Variants in LRRC37A2 observed in about 807,000 individuals in gnomAD.
The protein encoded by LRRC37A2 is leucine rich repeat containing 37 member A2.
Under a neutral mutation model 68.8 loss-of-function variants are expected in LRRC37A2, and 9 were observed. The ratio of observed to expected loss-of-function variants is 0.13; its 90% confidence interval spans 0.08 to 0.23. LRRC37A2 has a LOEUF of 0.23. Among genes scored for constraint, LRRC37A2 ranks in the 10% least tolerant of loss-of-function variants. The pLI, the probability that LRRC37A2 is intolerant of heterozygous loss-of-function variation, is 1.00. For synonymous variants in LRRC37A2, 63 were observed against 367.6 expected (o/e 0.17, Z 9.48); for missense variants, 168 against 950.4 (o/e 0.18, Z 10.82).
At chr17:47,015,851 T>C in the LRRC37A2 span, among the ~76,000 whole-genome samples, 1 of 152,052 alleles carries the variant, frequency 6.6e-6, no homozygotes, top group Non-Finnish European at 1.5e-5. Context: ...CTGTGAAATG[T>C]GAGAGGAAGT....
At chr17:46,771,910 G>T in the LRRC37A2 span, among the ~76,000 whole-genome samples, 1 of 142,330 alleles carries the variant, frequency 7.0e-6, no homozygotes, top group South Asian at 2.1e-4. Flanking sequence ...GCCCCCGCCT[G>T]GGGAAGCGCC....
At chr17:46,901,676 T>C in the LRRC37A2 span, among the ~76,000 whole-genome samples, 2 of 152,172 alleles carry the variant, frequency 1.3e-5, no homozygotes, top group African/African-American at 4.8e-5. Flanking sequence ...AACATCAGAA[T>C]CCCAAGCAAT....
At chr17:46,491,516 A>G in the LRRC37A2 span, among the ~76,000 whole-genome samples, 1 of 141,792 alleles carries the variant, frequency 7.1e-6, no homozygotes, top group South Asian at 2.2e-4. Flanking sequence ...TTTCTCTTCA[A>G]ATTACATTGC....
chr17:46,816,119 A>ACACACACACACACTCACG, the LRRC37A2 span, among the ~76,000 whole-genome samples: 2 of 150,552 alleles, frequency 1.3e-5, 1 homozygote, highest in African/African-American at 4.9e-5. Context: ...ACGTACACAC[A>ACACACACACACACTCACG]CACACACACA....
the LRRC37A2 span, among the ~76,000 whole-genome samples, chr17:46,806,867 G>T: frequency 6.6e-6 from 1 of 152,256 alleles, no homozygotes; most frequent in Non-Finnish European, 1.5e-5. Context: ...GCAGAGTGGG[G>T]CTTGGCCCTC....
At chr17:46,815,115 C>T in the LRRC37A2 span, among the ~76,000 whole-genome samples, 4 of 152,112 alleles carry the variant, frequency 2.6e-5, no homozygotes, top group Admixed American at 1.3e-4. Context: ...GCACGTCCAT[C>T]GCTGGAATGT....
chr17:46,918,767 G>C, the LRRC37A2 span, among the ~76,000 whole-genome samples: 3 of 152,126 alleles, frequency 2.0e-5, no homozygotes, highest in Non-Finnish European at 4.4e-5. Flanking sequence ...AGACTGACTT[G>C]GCCACAAGCT....
chr17:46,575,315 G>C, the LRRC37A2 span, among the ~76,000 whole-genome samples: 1 of 150,674 alleles, frequency 6.6e-6, no homozygotes, highest in Non-Finnish European at 1.5e-5. Flanking sequence ...CACAGTAAGA[G>C]CAGTGCAGCC....
At chr17:46,745,264 C>T in the LRRC37A2 span, among the ~76,000 whole-genome samples, 1 of 152,172 alleles carries the variant, frequency 6.6e-6, no homozygotes, top group Non-Finnish European at 1.5e-5. Flanking sequence ...ATAAAGCTTC[C>T]TTATGAGCAC....
the LRRC37A2 span, among the ~76,000 whole-genome samples, chr17:47,004,231 T>C: frequency 3.9e-5 from 6 of 152,370 alleles, no homozygotes; most frequent in Non-Finnish European, 8.8e-5. Context: ...TTTGGGTATA[T>C]ACCCAGTAAT....
chr17:46,951,234 C>G, the LRRC37A2 span, among the ~76,000 whole-genome samples: 842 of 152,310 alleles, frequency 5.5e-3, 10 homozygotes, highest in African/African-American at 0.019. Flanking sequence ...TTGGCTGGAA[C>G]GGCGGGTTCC....
At chr17:46,985,402 C>T in the LRRC37A2 span, among the ~76,000 whole-genome samples, 1 of 152,036 alleles carries the variant, frequency 6.6e-6, no homozygotes, top group Admixed American at 6.5e-5. Context: ...CGCCTGTAAT[C>T]CCAGCTACTC....
At chr17:46,846,505 C>G in the LRRC37A2 span, among the ~76,000 whole-genome samples, 1 of 152,154 alleles carries the variant, frequency 6.6e-6, no homozygotes, top group South Asian at 2.1e-4. Flanking sequence ...GGCACTGGCA[C>G]AAAGTACAGT....
chr17:46,983,289 C>CTTTT, the LRRC37A2 span, among the ~76,000 whole-genome samples: 96 of 76,806 alleles, frequency 1.2e-3, no homozygotes, highest in Admixed American at 1.5e-3. Flanking sequence ...GCCCTTTCTT[C>CTTTT]TTTTTTTTTT....
At chr17:46,932,066 G>T in the LRRC37A2 span, 2 of 1,613,606 alleles carry the variant, frequency 1.2e-6, no homozygotes, top group Admixed American at 1.7e-5. Flanking sequence ...ATCAATTCCA[G>T]TCGGGTTGAC....
At chr17:46,924,872 G>A in the LRRC37A2 span, among the ~76,000 whole-genome samples, 46 of 152,184 alleles carry the variant, frequency 3.0e-4, no homozygotes, top group Non-Finnish European at 5.3e-4. Context: ...GTGCCTTGAA[G>A]TTAATCTGTT....
chr17:46,894,904 A>G, the LRRC37A2 span, among the ~76,000 whole-genome samples: 1 of 152,228 alleles, frequency 6.6e-6, no homozygotes, highest in Non-Finnish European at 1.5e-5. Context: ...TTCCCGGGCC[A>G]TGCAAGCCGG....
chr17:46,963,039 G>A, the LRRC37A2 span, among the ~76,000 whole-genome samples: 3 of 152,146 alleles, frequency 2.0e-5, no homozygotes, highest in Non-Finnish European at 4.4e-5. Context: ...ATAGAAGCAG[G>A]GCTTGAATCA....
At chr17:46,874,102 C>T in the LRRC37A2 span, among the ~76,000 whole-genome samples, 42 of 152,078 alleles carry the variant, frequency 2.8e-4, no homozygotes, top group African/African-American at 9.9e-4. Flanking sequence ...GTGTCTCTCT[C>T]GGGACATCAC....
Sources: gnomAD v4.1 joint callset for allele counts (sites outside exome capture counted in the v4.1 genomes callset) on GRCh38, gnomAD v4.1.1 for gene constraint, MANE v1.5 for transcripts, NCBI Gene and HGNC (gene_info 2026-07-23, HGNC 2026-07-21) for gene names.